The following FLII variants were observed in gnomAD, a reference collection of about 807,000 sequenced individuals.
The protein encoded by FLII is protein flightless-1 homolog.
Under a neutral mutation model 156.2 loss-of-function variants are expected in FLII, and 101 were observed. The ratio of observed to expected loss-of-function variants is 0.65; its 90% CI spans 0.55 to 0.76. The LOEUF is 0.76. Among genes scored for constraint, FLII ranks in the 30% least tolerant of loss-of-function variants. The pLI, the probability that FLII is intolerant of heterozygous loss-of-function variation, is 0.00. For synonymous variants in FLII, 767 were observed against 685.8 expected, an observed-to-expected ratio of 1.12 and a Z score of -1.85; for missense variants, 1,675 against 1,682.8, an observed-to-expected ratio of 1.00 and a Z score of 0.08.
rs199665471 is a variant in FLII, at chr17:18,247,674, C to G, written c.2470G>C (p.Glu824Gln). Residue 824 changes from glutamate (E) to glutamine (Q), a missense_variant, in exon 20 of 30, where the codon GAG becomes CAG. By Grantham distance (29) the Glu-to-Gln change is conservative. Around this residue, in one of 2 missense-constraint regions of FLII, gnomAD observed 1,332 missense variants for 1,269.3 expected, o/e 1.05. Transcript: ENST00000327031. ...AAGCGCACCTGCGCCTCGGTGCCCT[C>G]GAGGCTGCGGCTGACCGTGGCATGG... ...PRHATVSRSL[E>Q]GTEAQVFKAK... is the part of the protein sequence containing the mutation. 3.5e-5 allele frequency: 56 copies of G among 1,594,250 alleles called. 1 individual carries two copies. The highest frequency in any genetic ancestry group is 2.6e-6 in the Non-Finnish European group (3 of 1,175,406).
In FLII at chr17:18,247,022, C is replaced by G; in HGVS notation, c.2707G>C (p.Asp903His). 6.2e-7 allele frequency: 1 copy of G among 1,613,764 alleles called. No homozygotes were observed. The change falls in exon 22 of 30, where the codon GAC (aspartate) becomes CAC (histidine). Residue 903 changes from aspartate (D) to histidine (H), a missense_variant. Asp to His is a moderately conservative substitution (Grantham distance 81). Coordinates refer to ENST00000327031, the MANE Select transcript of FLII (RefSeq NM_002018.4). ...ACGAAACCCTCCATGCCGTCTAGGT[C>G]TTCGTTCCACTCCTCCATCAGCTGC... ...AEQLMEEWNE[D>H]LDGMEGFVLE... is the part of the protein sequence containing the mutation.
chr17:18,247,123 GC>G, intron 21 of FLII, 45 bp downstream of exon 21: 10 of 1,249,058 alleles, frequency 8.0e-6, no homozygotes, highest in South Asian at 6.4e-5. Flanking sequence ...CCCTCGGCCT[GC>G]CCCCCACCCC....
chr17:18,258,770 A>G (rs2048508787), upstream of FLII: 2 of 1,031,302 alleles, frequency 1.9e-6, no homozygotes, highest in East Asian at 3.8e-5. The surrounding 1 kb of genome is among the most constrained non-coding windows in gnomAD (Gnocchi z 4.2). Flanking sequence ...GGGCTGGGCC[A>G]GCGCCGGCCC....
At chr17:18,254,725 C>T (rs1167239717) in intron 5 of FLII, 43 bp from the exon 6 acceptor site, 8 of 1,613,664 alleles carry the variant, frequency 5.0e-6, no homozygotes, top group Non-Finnish European at 6.8e-6. Context: ...GCACCAGCCA[C>T]CCCACAGGGC....
At chr17:18,250,581 G>A (rs1308644502) in intron 14 of FLII, among the ~76,000 whole-genome samples, 1 of 152,154 alleles carries the variant, frequency 6.6e-6, no homozygotes, top group East Asian at 1.9e-4. Context: ...CCCATGCCCA[G>A]CCTGTACCCT....
intron 1 of FLII, among the ~76,000 whole-genome samples, chr17:18,257,763 G>A (rs555871009): frequency 2.4e-4 from 37 of 152,334 alleles, no homozygotes; most frequent in Non-Finnish European, 4.9e-4. Context: ...TGTGTACACA[G>A]GCAGGTAAAC....
At position 18,247,776 on chromosome 17, in the gene FLII, G is replaced by A. The variant is rs775358084; in HGVS notation, c.2368C>T (p.Arg790Cys). Reference protein sequence around the residue: ...CWSDVFIWLGRKSPRLVRAAA... With the variant: ...CWSDVFIWLGCKSPRLVRAAA... ...GCGCGCACCAGGCGCGGGGACTTGC[G>A]GCCGAGCCAGATGAACACGTCGGAC... The change falls in exon 20 of 30, where the codon CGC becomes TGC. Residue 790 changes from arginine to cysteine, a missense_variant. Physicochemically the swap from Arg to Cys is radical, Grantham distance 180. Transcript: ENST00000327031. 1.2e-6 allele frequency: 2 copies of A among 1,610,122 alleles called. No individual in the cohort carries two copies. The highest frequency in any genetic ancestry group is 1.7e-6 in the Non-Finnish European group (2 of 1,179,958).
At chr17:18,254,954 T>A in intron 4 of FLII, 100 bp from the exon 5 acceptor site, 1 of 1,220,776 alleles carries the variant, frequency 8.2e-7, no homozygotes, top group Non-Finnish European at 1.2e-6. Context: ...GGTGTGGGGG[T>A]AGATGAGGGG....
In FLII at chr17:18,245,391, C is replaced by T. The variant is rs2047999867; in HGVS notation, c.3638G>A (p.Ser1213Asn). The T allele has an allele frequency of 6.2e-7, 1 of 1,614,098 alleles. No individual in the cohort carries two copies. The highest frequency in any genetic ancestry group is 1.3e-5 in the African/African-American group (1 of 74,942). The change falls in exon 29 of 30, where the codon AGC becomes AAC. Residue 1213 changes from serine (S) to asparagine (N), a missense_variant. Ser to Asn is a conservative substitution (Grantham distance 46, BLOSUM62 1). Coordinates refer to ENST00000327031, the MANE Select transcript of FLII (RefSeq NM_002018.4). Reference sequence around the variant, plus strand: ...CAGGCTCAGCTTGATCTCCACCTGGCTAGTCTGGGTCCCCACCCACATGTA... The same window carrying T: ...CAGGCTCAGCTTGATCTCCACCTGGTTAGTCTGGGTCCCCACCCACATGTA... Reference protein sequence around the residue: ...EVYMWVGTQTSQVEIKLSLKA... With the variant: ...EVYMWVGTQTNQVEIKLSLKA...
At chr17:18,252,377 C>T in intron 10 of FLII, 95 bp downstream of exon 10, 1 of 1,230,786 alleles carries the variant, frequency 8.1e-7, no homozygotes, top group South Asian at 1.2e-5. Flanking sequence ...TGGCACTGGC[C>T]ACCTCCCTCA....
Position 18,246,056 on chromosome 17 carries a change from A to C in FLII, c.3274T>G (p.Phe1092Val). Reference protein sequence around the residue: ...SEFCFILKVPFESEDNQGIVY... With the variant: ...SEFCFILKVPVESEDNQGIVY... ...ATGCCCTGGTTGTCCTCACTCTCAA[A>C]GGGAACCTGGGGAGTGTGCAGGGGT... Residue 1092 changes from phenylalanine to valine, a missense_variant, in exon 26 of 30, where the codon TTT (phenylalanine) becomes GTT (valine). This residue lies in a region of FLII where 1,332 missense variants were observed against 1,269.3 expected (regional missense o/e 1.05). Coordinates refer to ENST00000327031, the MANE Select transcript of FLII (RefSeq NM_002018.4). The C allele has an allele frequency of 6.2e-7, 1 of 1,614,064 alleles. No individual in the cohort carries two copies.
At position 18,245,786 on chromosome 17, in the gene FLII, T is replaced by G; in HGVS notation, c.3461A>C (p.Tyr1154Ser). The change falls in exon 27 of 30, where the codon TAT becomes TCT. Residue 1154 changes from tyrosine to serine, a missense_variant. Around this residue, in one of 2 missense-constraint regions of FLII, gnomAD observed 1,332 missense variants for 1,269.3 expected, o/e 1.05. Transcript: ENST00000327031. ...TTTCATGTACTCGGCATCGTCATCA[T>G]AGGGCTTCTGTGCCCCAATGCCCAC... is the stretch of plus-strand genomic sequence containing the variant. ...FWVGIGAQKPYDDDAEYMKHT... is the reference protein window; with the variant it reads ...FWVGIGAQKPSDDDAEYMKHT... 6.2e-7 allele frequency: 1 copy of G among 1,614,038 alleles called. No homozygotes were observed. Among genetic ancestry groups the G allele is most frequent in the Non-Finnish European group, 8.5e-7 (1 of 1,180,010 alleles).
chr17:18,249,215 A>C lies in FLII; in HGVS notation c.1860-14T>G, dbSNP rs749448388. 1.2e-6 allele frequency: 2 copies of C among 1,613,992 alleles called. No homozygotes were observed. Among genetic ancestry groups the C allele is most frequent in the African/African-American group, 1.3e-5 (1 of 74,914 alleles). On this transcript the variant is annotated splice_polypyrimidine_tract_variant and intron_variant, in intron 15 of 29. Coordinates refer to ENST00000327031, the MANE Select transcript of FLII (RefSeq NM_002018.4). ...ACACGATACATCCTGGGCGCAGGGC[A>C]AGAGTGGCTCAGTGTAGGCACCAAG... is the stretch of plus-strand genomic sequence containing the variant.
intron 3 of FLII, 84 bp from the exon 4 acceptor site, chr17:18,255,347 C>A: frequency 1.8e-6 from 2 of 1,097,032 alleles, no homozygotes; most frequent in East Asian, 2.4e-5. Context: ...CCTCCTCAGG[C>A]AGCTCACCAG....
At chr17:18,256,736 C>A in intron 2 of FLII, 139 bp from the exon 3 acceptor site, 1 of 825,830 alleles carries the variant, frequency 1.2e-6, no homozygotes, top group Non-Finnish European at 2.0e-6. Flanking sequence ...CTCCCTCACT[C>A]ACCCGGCCTC....
chr17:18,246,710 CCTCCTCTGGCTGCTT>C lies in FLII; in HGVS notation c.2920_2934del (p.Lys974_Glu978del), dbSNP rs754839621. 22 of 1,613,360 alleles carry C rather than the reference CCTCCTCTGGCTGCTT, an allele frequency of 1.4e-5. No individual in the cohort carries two copies. The highest frequency in any genetic ancestry group is 1.5e-5 in the Non-Finnish European group (18 of 1,179,750). On this transcript the variant is annotated inframe_deletion, in exon 23 of 30. Transcript: ENST00000327031. ...CAGAAGTACACGATGCACTGGAAGT[CCTCCTCTGGCTGCTT>C]CTCCTCTGCCTCAGCGGTTGCTTCC...
rs899226792 is a variant in FLII at position 18,245,820 on chromosome 17, A to T, written c.3427T>A (p.Phe1143Ile). 5.6e-6 allele frequency: 9 copies of T among 1,613,908 alleles called. No individual in the cohort carries two copies. Among genetic ancestry groups the T allele is most frequent in the East Asian group, 2.2e-5 (1 of 44,844 alleles). Residue 1143 changes from phenylalanine (F) to isoleucine (I), a missense_variant, in exon 27 of 30, where the codon TTC (phenylalanine) becomes ATC (isoleucine). Transcript: ENST00000327031. ...TGTGCCCCAATGCCCACCCAGAAGA[A>T]GTTCTCAGGCTCCTCACCTTCGTTG... The part of the protein sequence containing the change: ...VINEGEEPEN[F>I]FWVGIGAQKP...
chr17:18,248,495 C>T, intron 18 of FLII, 55 bp downstream of exon 18: 3 of 1,527,612 alleles, frequency 2.0e-6, no homozygotes, highest in South Asian at 1.2e-5. Flanking sequence ...AGTCCATTCC[C>T]CCAGTCGGTG....
At position 18,248,866 on chromosome 17, in the gene FLII, T is replaced by G. The variant is rs140450622; in HGVS notation, c.1952A>C (p.Asp651Ala). Residue 651 changes from aspartate (D) to alanine (A), a missense_variant, in exon 17 of 30, where the codon GAC becomes GCC. Asp to Ala is a moderately radical substitution (Grantham distance 126, BLOSUM62 -2). Around this residue, in one of 2 missense-constraint regions of FLII, gnomAD observed 1,332 missense variants for 1,269.3 expected, o/e 1.05. Coordinates refer to ENST00000327031, the MANE Select transcript of FLII (RefSeq NM_002018.4). ...CCATACGTAGATGTCTAGCCCTCGGTCCAGCAGGAAAACAAACCTGGACAA... is the reference window on the plus strand; with the variant it reads ...CCATACGTAGATGTCTAGCCCTCGGGCCAGCAGGAAAACAAACCTGGACAA... ...SLDPRFVFLL[D>A]RGLDIYVWRG... The G allele has an allele frequency of 2.9e-4, 462 of 1,613,560 alleles. 1 individual carries two copies. Among genetic ancestry groups the G allele is most frequent in the Admixed American group, 4.7e-4 (28 of 59,974 alleles).
Sources: allele counts gnomAD v4.1 joint callset (sites outside exome capture counted in the v4.1 genomes callset), GRCh38; gene constraint gnomAD v4.1.1; regional missense constraint gnomAD v4.1.1; non-coding constraint Gnocchi (gnomAD v3.1); transcripts MANE v1.5; gene names NCBI Gene and HGNC (gene_info 2026-07-23, HGNC 2026-07-21).